Variants in SLC2A13 observed in about 807,000 individuals in gnomAD.
The protein encoded by SLC2A13 is solute carrier family 2 member 13.
A neutral mutation model predicts 64.4 loss-of-function variants in SLC2A13; 32 were observed. That is an observed-to-expected ratio of 0.50 (90% confidence interval 0.37 to 0.67). The LOEUF is 0.67. Among genes scored for constraint, SLC2A13 ranks in the 30% least tolerant of loss-of-function variants. SLC2A13 has a pLI of 0.00. For synonymous variants in SLC2A13, 338 were observed against 327.1 expected, an observed-to-expected ratio of 1.03 and a Z score of -0.36; for missense variants, 743 against 829.2, an observed-to-expected ratio of 0.90 and a Z score of 1.28.
chr12:39,889,821 G>T (rs12830640), intron 4 of SLC2A13, among the ~76,000 whole-genome samples: 108,723 of 151,998 alleles, frequency 0.72, 38,944 homozygotes, highest in South Asian at 0.79. Flanking sequence ...TGAGCCACCA[G>T]GCCTGGCCAT....
intron 6 of SLC2A13, among the ~76,000 whole-genome samples, chr12:39,842,564 AAGTTC>A (rs1165881719): frequency 6.6e-6 from 1 of 152,070 alleles, no homozygotes; most frequent in Non-Finnish European, 1.5e-5. Context: ...TGGAGGCAGA[AAGTTC>A]TACGTGGAAA....
chr12:39,785,931 T>C (rs1002980867), intron 7 of SLC2A13, among the ~76,000 whole-genome samples: 1 of 152,310 alleles, frequency 6.6e-6, no homozygotes, highest in Admixed American at 6.5e-5. Flanking sequence ...TGTATCCTCA[T>C]TGTATTTAGG....
At chr12:39,933,498 T>C (rs560780370) in intron 4 of SLC2A13, among the ~76,000 whole-genome samples, 81 of 152,194 alleles carry the variant, frequency 5.3e-4, no homozygotes, top group Non-Finnish European at 9.7e-4. Context: ...ATGGTGCCCT[T>C]GGTGTCTCAG....
At chr12:39,985,217 G>C (rs890873824) in intron 3 of SLC2A13, among the ~76,000 whole-genome samples, 3 of 152,036 alleles carry the variant, frequency 2.0e-5, no homozygotes, top group African/African-American at 7.2e-5. Context: ...TCTTCCCAGT[G>C]CTCTGTTTTC....
intron 7 of SLC2A13, among the ~76,000 whole-genome samples, chr12:39,822,943 T>C (rs572989812): frequency 6.6e-6 from 1 of 152,242 alleles, no homozygotes; most frequent in South Asian, 2.1e-4. Flanking sequence ...CTCAGAAGTG[T>C]TTTGGTCTTT....
chr12:39,870,011 T>G (rs1944002147), intron 5 of SLC2A13, among the ~76,000 whole-genome samples: 1 of 152,180 alleles, frequency 6.6e-6, no homozygotes, highest in Non-Finnish European at 1.5e-5. Context: ...GTCACACTAT[T>G]CAAATCCAAA....
At chr12:39,899,355 T>C (rs1047360396) in intron 4 of SLC2A13, among the ~76,000 whole-genome samples, 15 of 152,204 alleles carry the variant, frequency 9.9e-5, no homozygotes, top group African/African-American at 3.1e-4. Flanking sequence ...ATTGCATCTA[T>C]TTGATTCTCC....
At chr12:39,852,306 T>C (rs1387950698) in intron 6 of SLC2A13, among the ~76,000 whole-genome samples, 1 of 152,196 alleles carries the variant, frequency 6.6e-6, no homozygotes, top group Admixed American at 6.5e-5. Context: ...GGGCCTAAAG[T>C]TGTCTAAACA....
chr12:39,856,733 C>G (rs944281863), intron 6 of SLC2A13, among the ~76,000 whole-genome samples: 3 of 152,172 alleles, frequency 2.0e-5, no homozygotes, highest in African/African-American at 7.2e-5. Flanking sequence ...ACTATTCAGA[C>G]AAGGAACACG....
Position 39,935,333 on chromosome 12 carries a change from C to T in SLC2A13, c.1034+15924G>A, listed in dbSNP as rs1945900168. 2.0e-5 allele frequency among the ~76,000 whole-genome samples: 3 copies of T among 152,182 alleles called. No homozygotes were observed. The South Asian group carries it at 6.2e-4, about 32-fold the overall frequency. Reference sequence around the variant, plus strand: ...TGTCACTAATTCTAATTCTAAAGGTCAGGACTAACTTGGCAACATTTTTGA... The same window carrying T: ...TGTCACTAATTCTAATTCTAAAGGTTAGGACTAACTTGGCAACATTTTTGA... On this transcript the variant is annotated intron_variant, in intron 4 of 9. Transcript: ENST00000280871.
chr12:40,017,976 T>TA (rs5797648), intron 3 of SLC2A13, among the ~76,000 whole-genome samples: 78,518 of 128,328 alleles, frequency 0.61, 23,674 homozygotes, highest in Middle Eastern at 0.66. Flanking sequence ...TGCACATATT[T>TA]AAAAAAAAAA....
chr12:40,049,138 T>C (rs891078374), intron 1 of SLC2A13, among the ~76,000 whole-genome samples: 1 of 152,072 alleles, frequency 6.6e-6, no homozygotes, highest in Non-Finnish European at 1.5e-5. Flanking sequence ...TTTAGCCTGT[T>C]ATAGTATTCA....
intron 4 of SLC2A13, among the ~76,000 whole-genome samples, chr12:39,944,087 A>T (rs371023620): frequency 1.4e-4 from 21 of 152,270 alleles, no homozygotes; most frequent in Non-Finnish European, 2.6e-4. Flanking sequence ...TTCCATGTTG[A>T]TGTCATTTTT....
intron 9 of SLC2A13, among the ~76,000 whole-genome samples, chr12:39,762,659 C>T (rs911780436): frequency 1.3e-5 from 2 of 151,948 alleles, no homozygotes; most frequent in Non-Finnish European, 2.9e-5. Context: ...CAGAGGAATA[C>T]ACGATTAGGA....
chr12:39,978,735 A>G (rs370900587), intron 3 of SLC2A13, among the ~76,000 whole-genome samples: 133 of 152,270 alleles, frequency 8.7e-4, no homozygotes, highest in Admixed American at 1.6e-3. Flanking sequence ...AGGCGGCAGC[A>G]AGGCTGGGGG....
At chr12:39,953,113 A>G (rs1946260136) in intron 3 of SLC2A13, among the ~76,000 whole-genome samples, 1 of 152,196 alleles carries the variant, frequency 6.6e-6, no homozygotes, top group Non-Finnish European at 1.5e-5. Flanking sequence ...TACTTTCACT[A>G]TTAAACTGTA....
At chr12:39,799,723 G>A (rs943031062) in intron 7 of SLC2A13, among the ~76,000 whole-genome samples, 2 of 152,182 alleles carry the variant, frequency 1.3e-5, no homozygotes, top group Admixed American at 6.6e-5. Context: ...CAACTTGAAT[G>A]CTTTTTAAAG....
intron 5 of SLC2A13, among the ~76,000 whole-genome samples, chr12:39,870,506 C>A (rs936554766): frequency 2.0e-5 from 3 of 152,148 alleles, no homozygotes; most frequent in Non-Finnish European, 4.4e-5. Context: ...ATAACATCTA[C>A]TATCTGCTAA....
At chr12:39,926,162 T>G (rs1216267612) in intron 4 of SLC2A13, among the ~76,000 whole-genome samples, 1 of 152,072 alleles carries the variant, frequency 6.6e-6, no homozygotes, top group African/African-American at 2.4e-5. Flanking sequence ...AAAATGTCCC[T>G]CAAAGCACAA....
Sources: allele counts gnomAD v4.1 joint callset (sites outside exome capture counted in the v4.1 genomes callset), GRCh38; gene constraint gnomAD v4.1.1; transcripts MANE v1.5; gene names NCBI Gene and HGNC (gene_info 2026-07-23, HGNC 2026-07-21).